AVEN: variants seen among roughly 807,000 people sequenced by gnomAD.
AVEN encodes apoptosis and caspase activation inhibitor, also known as cell death regulator Aven.
AVEN carries 41 observed loss-of-function variants against 38.1 expected under a neutral mutation model. The ratio of observed to expected loss-of-function variants is 1.08; its 90% confidence interval spans 0.84 to 1.40. The LOEUF is 1.40. Ranked by LOEUF, AVEN falls within the 40% of genes most tolerant of loss-of-function variation. The pLI is 0.00. For synonymous variants in AVEN, 206 were observed against 171.8 expected, an observed-to-expected ratio of 1.20 and a Z score of -1.56; for missense variants, 605 against 438.8, an observed-to-expected ratio of 1.38 and a Z score of -3.38.
At chr15:34,021,861 T>C (rs927672455) in intron 1 of AVEN, among the ~76,000 whole-genome samples, 5 of 151,186 alleles carry the variant, frequency 3.3e-5, no homozygotes, top group African/African-American at 1.2e-4. Flanking sequence ...ATCTCAAAAA[T>C]AAAAATAAAA....
chr15:33,963,030 A>AT (rs1294533721), intron 2 of AVEN, among the ~76,000 whole-genome samples: 3 of 152,108 alleles, frequency 2.0e-5, no homozygotes, highest in Non-Finnish European at 2.9e-5. Context: ...ACATGGGATA[A>AT]CTGAAGAGAA....
intron 2 of AVEN, among the ~76,000 whole-genome samples, chr15:33,921,024 C>T (rs1893376449): frequency 6.6e-6 from 1 of 152,218 alleles, no homozygotes; most frequent in Non-Finnish European, 1.5e-5. Flanking sequence ...AAGCCACCCA[C>T]CTCAGCCTCC....
In AVEN at chr15:33,866,477, A is replaced by ATTTACTGCTGTGAGCAT; in HGVS notation, c.*119_*135dup. On this transcript the variant is annotated 3_prime_UTR_variant, in exon 6 of 6. Coordinates refer to ENST00000306730, the MANE Select transcript of AVEN (RefSeq NM_020371.3). ...TCAGATGTCAAACACAGAGGTAGGC[A>ATTTACTGCTGTGAGCAT]TTTACTGCTGTGAGCATAATGGAAC... is the stretch of plus-strand genomic sequence containing the variant. 1.6e-6 allele frequency: 1 copy of ATTTACTGCTGTGAGCAT among 630,428 alleles called. No individual in the cohort carries two copies. 39.1% of individuals were successfully genotyped at this position (630,428 alleles called of 1,614,324 possible). A position where few individuals can be genotyped will look rare whatever the true frequency, so the allele number is the denominator to read the frequency against.
At chr15:33,963,891 T>C (rs115474448) in intron 2 of AVEN, among the ~76,000 whole-genome samples, 6 of 151,778 alleles carry the variant, frequency 4.0e-5, no homozygotes, top group East Asian at 3.9e-4. Flanking sequence ...CCTTGCCAGA[T>C]TGATGCAGTA....
chr15:34,021,700 CA>C (rs1247136823), intron 1 of AVEN, among the ~76,000 whole-genome samples: 1 of 151,658 alleles, frequency 6.6e-6, no homozygotes, highest in Non-Finnish European at 1.5e-5. Context: ...ACTAAAAATA[CA>C]AAAATTAACT....
intron 2 of AVEN, among the ~76,000 whole-genome samples, chr15:33,881,404 T>G (rs1383925958): frequency 1.3e-5 from 2 of 151,804 alleles, no homozygotes; most frequent in African/African-American, 2.4e-5. Flanking sequence ...CTTTTATTAT[T>G]ATGTTTTAGA....
At chr15:33,948,899 C>T (rs112088229) in intron 2 of AVEN, among the ~76,000 whole-genome samples, 1 of 152,154 alleles carries the variant, frequency 6.6e-6, no homozygotes, top group African/African-American at 2.4e-5. Flanking sequence ...TCTCAAACTC[C>T]TGACCTCAAG....
At chr15:33,864,315 AC>A, downstream of AVEN, 1 of 721,894 alleles carries the variant, frequency 1.4e-6, no homozygotes, top group Non-Finnish European at 2.2e-6. Flanking sequence ...TTTTCCCATC[AC>A]CTTTTTGTGA....
intron 2 of AVEN, among the ~76,000 whole-genome samples, chr15:33,887,233 G>A (rs1891741486): frequency 6.6e-6 from 1 of 152,038 alleles, no homozygotes; most frequent in South Asian, 2.1e-4. Context: ...ACAAGTTATG[G>A]GACCAAACTA....
At chr15:34,047,914 C>T (rs1899771492) in intron 5 of AVEN, among the ~76,000 whole-genome samples, 1 of 152,130 alleles carries the variant, frequency 6.6e-6, no homozygotes, top group Non-Finnish European at 1.5e-5. Flanking sequence ...CACACCAGAT[C>T]CCAGAAATAA....
intron 3 of AVEN, among the ~76,000 whole-genome samples, chr15:33,874,869 A>G (rs183753648): frequency 2.8e-4 from 42 of 152,372 alleles, no homozygotes; most frequent in African/African-American, 9.4e-4. Flanking sequence ...TGAAATGTAA[A>G]TTGTTCGGCT....
chr15:33,873,486 T>C (rs1891086700), intron 3 of AVEN, among the ~76,000 whole-genome samples: 1 of 148,230 alleles, frequency 6.7e-6, no homozygotes, highest in Non-Finnish European at 1.5e-5. Context: ...TGTGTGTACA[T>C]ATATATAATA....
chr15:33,917,311 C>A (rs1212922929), intron 2 of AVEN, among the ~76,000 whole-genome samples: 1 of 150,616 alleles, frequency 6.6e-6, no homozygotes, highest in East Asian at 2.0e-4. Context: ...ATGGAACCAG[C>A]CTAAATGCCC....
chr15:34,073,853 A>G (rs1222198054), intron 1 of AVEN, among the ~76,000 whole-genome samples: 1 of 152,116 alleles, frequency 6.6e-6, no homozygotes, highest in Non-Finnish European at 1.5e-5. Flanking sequence ...AACGTAGATT[A>G]GAAAGAGATT....
chr15:34,016,929 G>C (rs1897939873), intron 1 of AVEN, among the ~76,000 whole-genome samples: 1 of 152,060 alleles, frequency 6.6e-6, no homozygotes, highest in Non-Finnish European at 1.5e-5. Context: ...AGGAATTCAA[G>C]ATCAGCCCGG....
At chr15:34,024,108 C>T (rs1898329978) in intron 1 of AVEN, among the ~76,000 whole-genome samples, 1 of 152,180 alleles carries the variant, frequency 6.6e-6, no homozygotes, top group Non-Finnish European at 1.5e-5. Context: ...TTCAATTACA[C>T]AACAAATATC....
rs142846842 is a variant in AVEN, at chr15:33,867,303, G to A, written c.973+192C>T. Among the ~76,000 whole-genome samples, 16 of 152,184 alleles carry A rather than the reference G, an allele frequency of 1.1e-4. No individual in the cohort carries two copies. The South Asian group carries it at 1.2e-3, about 12-fold the overall frequency. ...AGCAGCTTTGGAAGCTTGGTGTGTCGCGTGAGAGGAAGGTTGTCAGAAAGG... is the reference window on the plus strand; with the variant it reads ...AGCAGCTTTGGAAGCTTGGTGTGTCACGTGAGAGGAAGGTTGTCAGAAAGG... On this transcript the variant is annotated intron_variant, in intron 5 of 5. Transcript: ENST00000306730.
downstream of AVEN, among the ~76,000 whole-genome samples, chr15:33,861,960 G>A (rs1319683838): frequency 6.6e-6 from 1 of 151,928 alleles, no homozygotes; most frequent in Non-Finnish European, 1.5e-5. Flanking sequence ...ACAATGCCTG[G>A]CACCCAGTAG....
chr15:33,992,902 A>G (rs1412132613), intron 2 of AVEN, among the ~76,000 whole-genome samples: 1 of 152,256 alleles, frequency 6.6e-6, no homozygotes, highest in African/African-American at 2.4e-5. Flanking sequence ...AAAATATATA[A>G]TAGTTTTAAG....
Sources: gnomAD v4.1 joint callset for allele counts (sites outside exome capture counted in the v4.1 genomes callset) on GRCh38, gnomAD v4.1.1 for gene constraint, MANE v1.5 for transcripts, NCBI Gene and HGNC (gene_info 2026-07-23, HGNC 2026-07-21) for gene names.